The following P3H1 variants were observed in gnomAD, a reference collection of about 807,000 sequenced individuals.
The protein encoded by P3H1 is prolyl 3-hydroxylase 1.
P3H1 carries 69 observed loss-of-function variants against 84.0 expected under a neutral mutation model. The ratio of observed to expected loss-of-function variants is 0.82; its 90% CI spans 0.68 to 1.00. The LOEUF (loss-of-function observed/expected upper bound fraction) is 1.00. Ranked by LOEUF, P3H1 falls within the 50% of genes least tolerant of loss-of-function variation. The pLI is 0.00. For missense variants in P3H1, 878 were observed against 962.8 expected, an observed-to-expected ratio of 0.91 and a Z score of 1.17; for synonymous variants, 366 against 388.8, an observed-to-expected ratio of 0.94 and a Z score of 0.69.
chr1:42,763,357 TCAAA>T (rs1383070149), intron 1 of P3H1, among the ~76,000 whole-genome samples: 4 of 151,884 alleles, frequency 2.6e-5, no homozygotes, highest in Admixed American at 1.3e-4. Flanking sequence ...CTCATGAGGT[TCAAA>T]CAAATAGCTC....
At chr1:42,750,056 C>G (rs371282393) in intron 11 of P3H1, 130 bp downstream of exon 11, 3 of 1,096,190 alleles carry the variant, frequency 2.7e-6, no homozygotes, top group African/African-American at 3.1e-5. Flanking sequence ...GGGATGCCAC[C>G]CATGTATTTA....
At chr1:42,764,648 C>T (rs1380282614) in intron 1 of P3H1, among the ~76,000 whole-genome samples, 2 of 151,976 alleles carry the variant, frequency 1.3e-5, no homozygotes, top group African/African-American at 4.8e-5. Flanking sequence ...TGGTGCTGGG[C>T]ACAGATTAAG....
intron 8 of P3H1, 98 bp from the exon 9 acceptor site, chr1:42,752,762 C>T: frequency 6.6e-7 from 1 of 1,508,768 alleles, no homozygotes; most frequent in African/African-American, 1.4e-5. Flanking sequence ...GAAATTCCAG[C>T]TGTTTCCTTT....
intron 2 of P3H1, chr1:42,760,942 T>C (rs1380891977): frequency 1.3e-5 from 2 of 149,456 alleles, no homozygotes; most frequent in Non-Finnish European, 3.0e-5. Flanking sequence ...TGTGACCCAC[T>C]GCACCTGGCC....
In P3H1 at chr1:42,747,427, A is replaced by C; in HGVS notation, c.1915-15T>G. On this transcript the variant is annotated splice_polypyrimidine_tract_variant and intron_variant, in intron 13 of 14. Transcript: ENST00000296388. ...TGCACCTCTGCCTAAGGGGGACAGA[A>C]AGGGAGGGGGGTTGCACAGGACAAA... 6.2e-7 allele frequency: 1 copy of C among 1,606,708 alleles called. No homozygotes were observed.
Position 42,759,298 on chromosome 1 carries a change from C to A in P3H1, c.711G>T (p.Val237=), listed in dbSNP as rs1233512642. Residue 237 remains valine (V), a synonymous_variant, in exon 3 of 15, where the codon GTG becomes GTT. Transcript: ENST00000296388. ...HLEAALQEYF[V]AYEECRALCE... is the part of the protein sequence containing the mutation. ...AGAGGGCACGGCACTCCTCATAGGC[C>A]ACAAAGTATTCTTGCAGCGCCGCCT... is the stretch of plus-strand genomic sequence containing the variant. 2.5e-6 allele frequency: 4 copies of A among 1,614,030 alleles called. No homozygotes were observed. Among genetic ancestry groups the A allele is most frequent in the East Asian group, 4.5e-5 (2 of 44,886 alleles).
intron 10 of P3H1, among the ~76,000 whole-genome samples, chr1:42,750,834 T>C (rs1391381271): frequency 2.9e-5 from 4 of 137,512 alleles, no homozygotes; most frequent in African/African-American, 1.1e-4. Context: ...GTCAGCCCCC[T>C]GCCCGGCCAG....
intron 8 of P3H1, 72 bp from the exon 9 acceptor site, chr1:42,752,736 C>T (rs1652186663): frequency 6.3e-7 from 1 of 1,578,922 alleles, no homozygotes; most frequent in African/African-American, 1.3e-5. Context: ...TGGATATTGC[C>T]TCCTCGTCAC....
At position 42,747,379 on chromosome 1, in the gene P3H1, C is replaced by T; in HGVS notation, c.1948G>A (p.Gly650Arg). ...EVQPQCGRAVGFSSGTENPHG... is the reference protein window; with the variant it reads ...EVQPQCGRAVRFSSGTENPHG... Reference sequence around the variant, plus strand: ...GGGTTTTCAGTGCCTGAAGAGAATCCCACGGCTCTTCCACACTGAGGCTGC... The same window carrying T: ...GGGTTTTCAGTGCCTGAAGAGAATCTCACGGCTCTTCCACACTGAGGCTGC... The change falls in exon 14 of 15, where the codon GGA becomes AGA. Residue 650 changes from glycine (G) to arginine (R), a missense_variant. Physicochemically the swap from Gly to Arg is moderately radical, Grantham distance 125 (BLOSUM62 -2). Coordinates refer to ENST00000296388, the MANE Select transcript of P3H1 (RefSeq NM_022356.4). 2 of 1,611,022 alleles carry T rather than the reference C, an allele frequency of 1.2e-6. No individual in the cohort carries two copies. Among genetic ancestry groups the T allele is most frequent in the Non-Finnish European group, 1.7e-6 (2 of 1,178,680 alleles).
At position 42,755,186 on chromosome 1, in the gene P3H1, T is replaced by C; in HGVS notation, c.1202A>G (p.Lys401Arg). The change falls in exon 7 of 15, where the codon AAG (lysine) becomes AGG (arginine). Residue 401 changes from lysine to arginine, a missense_variant. Lys to Arg is a conservative substitution (Grantham distance 26, BLOSUM62 2). Coordinates refer to ENST00000296388, the MANE Select transcript of P3H1 (RefSeq NM_022356.4). ...DSWTPEEVIPKRLQEKQKSER... is the reference protein window; with the variant it reads ...DSWTPEEVIPRRLQEKQKSER... ...TCACTTCTGTTTCTCTTGCAATCTC[T>C]TGGGAATCACTTCTTCTGGAGTCCA... The C allele has an allele frequency of 6.2e-7, 1 of 1,614,116 alleles. No individual in the cohort carries two copies. Among genetic ancestry groups the C allele is most frequent in the Non-Finnish European group, 8.5e-7 (1 of 1,179,936 alleles).
rs950975512 is a variant in P3H1 at position 42,752,466 on chromosome 1, C to T, written c.1473+71G>A. ...GCCAGGAAGAGGAAGGCGAAGGCTA[C>T]CACCCAAGGGGCACTTGGTGGGGGG... On this transcript the variant is annotated intron_variant, in intron 9 of 14. Coordinates refer to ENST00000296388, the MANE Select transcript of P3H1 (RefSeq NM_022356.4). The T allele has an allele frequency of 2.5e-6, 4 of 1,612,360 alleles. No homozygotes were observed. The African/African-American group carries it at 4.0e-5, about 16-fold the overall frequency.
intron 1 of P3H1, 29 bp from the exon 2 acceptor site, chr1:42,762,504 A>G (rs1570479773): frequency 6.2e-7 from 1 of 1,613,328 alleles, no homozygotes; most frequent in Non-Finnish European, 8.5e-7. Flanking sequence ...AAGGTGGATA[A>G]TGCTCACATC....
At chr1:42,753,582 A>C (rs1408801906) in intron 8 of P3H1, among the ~76,000 whole-genome samples, 2 of 152,162 alleles carry the variant, frequency 1.3e-5, no homozygotes, top group Admixed American at 6.5e-5. Context: ...TAAATGCCCT[A>C]AGAAGTTCAA....
intron 13 of P3H1, 82 bp from the exon 14 acceptor site, chr1:42,747,494 C>A: frequency 7.2e-7 from 1 of 1,397,754 alleles, no homozygotes; most frequent in Non-Finnish European, 1.0e-6. Context: ...CTCATTAGGG[C>A]TCACGACCGA....
At chr1:42,764,868 T>A (rs1269318084) in intron 1 of P3H1, among the ~76,000 whole-genome samples, 3 of 152,176 alleles carry the variant, frequency 2.0e-5, no homozygotes, top group Non-Finnish European at 4.4e-5. Flanking sequence ...AGCTCTTGTG[T>A]CTTTCAGCGC....
At chr1:42,753,100 T>C (rs1397784481) in intron 8 of P3H1, among the ~76,000 whole-genome samples, 1 of 152,216 alleles carries the variant, frequency 6.6e-6, no homozygotes, top group Non-Finnish European at 1.5e-5. Context: ...TTGATGCCAG[T>C]ATAATGTTAA....
chr1:42,766,124 A>G (rs1202672895), intron 1 of P3H1, among the ~76,000 whole-genome samples: 2 of 152,094 alleles, frequency 1.3e-5, no homozygotes, highest in Non-Finnish European at 2.9e-5. Context: ...GCACCACTGG[A>G]AAACCAACCG....
intron 5 of P3H1, among the ~76,000 whole-genome samples, chr1:42,757,042 T>C (rs1652439728): frequency 1.3e-5 from 2 of 152,194 alleles, no homozygotes; most frequent in South Asian, 4.1e-4. Flanking sequence ...CGTGGGTTTA[T>C]TTCCCCTCAC....
intron 4 of P3H1, 82 bp downstream of exon 4, chr1:42,758,770 G>T (rs993966607): frequency 1.3e-5 from 20 of 1,496,268 alleles, no homozygotes; most frequent in Admixed American, 1.7e-5. Flanking sequence ...CCTTGAGGAA[G>T]TAAGTGGCTG....
Sources: allele counts gnomAD v4.1 joint callset (sites outside exome capture counted in the v4.1 genomes callset), GRCh38; gene constraint gnomAD v4.1.1; transcripts MANE v1.5; gene names NCBI Gene and HGNC (gene_info 2026-07-23, HGNC 2026-07-21).